The following CTNNA3 variants were observed in gnomAD, a reference collection of about 807,000 sequenced individuals.
The protein encoded by CTNNA3 is catenin alpha 3, also known as catenin alpha-3.
A neutral mutation model predicts 95.7 loss-of-function variants in CTNNA3; 76 were observed. That is an observed-to-expected ratio of 0.79 (90% confidence interval 0.66 to 0.96). The LOEUF is 0.96. CTNNA3 is among the 40% of genes least tolerant of loss of function. The probability of loss-of-function intolerance (pLI) is 0.00; values close to 1 mark genes in which losing one functional copy is unlikely to be tolerated. For synonymous variants in CTNNA3, 431 were observed against 374.4 expected, an observed-to-expected ratio of 1.15 and a Z score of -1.74; for missense variants, 1,191 against 1,089.8, an observed-to-expected ratio of 1.09 and a Z score of -1.31.
intron 12 of CTNNA3, among the ~76,000 whole-genome samples, chr10:66,362,577 G>A (rs1398323141): frequency 6.6e-6 from 1 of 151,940 alleles, no homozygotes; most frequent in Non-Finnish European, 1.5e-5. Flanking sequence ...GCCGGGTGTG[G>A]TGGTGTATGC....
At chr10:67,440,434 G>A (rs1165149385) in intron 5 of CTNNA3, among the ~76,000 whole-genome samples, 2 of 152,124 alleles carry the variant, frequency 1.3e-5, no homozygotes, top group African/African-American at 4.8e-5. Flanking sequence ...TGAAGGGAAG[G>A]ACATAAACCT....
At chr10:66,702,303 T>A (rs868472486) in intron 9 of CTNNA3, among the ~76,000 whole-genome samples, 4 of 151,930 alleles carry the variant, frequency 2.6e-5, no homozygotes, top group African/African-American at 7.3e-5. Context: ...GATTTTTTTT[T>A]AGGTGAGAGA....
chr10:66,198,775 CTT>C (rs1283150482), intron 13 of CTNNA3, among the ~76,000 whole-genome samples: 1 of 152,082 alleles, frequency 6.6e-6, no homozygotes, highest in African/African-American at 2.4e-5. Context: ...ATACAATGTA[CTT>C]TATGTAATAT....
chr10:66,265,711 C>T (rs1339233586), intron 13 of CTNNA3, among the ~76,000 whole-genome samples: 1 of 151,996 alleles, frequency 6.6e-6, no homozygotes, highest in East Asian at 1.9e-4. Flanking sequence ...TCCTTACTAA[C>T]TAACTAAAAT....
At chr10:66,662,036 G>A (rs76037834) in intron 9 of CTNNA3, among the ~76,000 whole-genome samples, 3,529 of 152,186 alleles carry the variant, frequency 0.023, 144 homozygotes, top group African/African-American at 0.081. Context: ...TCTGGATGCC[G>A]CAAGTGACCT....
intron 17 of CTNNA3, among the ~76,000 whole-genome samples, chr10:65,938,408 CA>C (rs200605657): frequency 5.3e-5 from 8 of 149,754 alleles, no homozygotes; most frequent in African/African-American, 9.8e-5. Context: ...AGAAAGATGA[CA>C]AAAAAAAATG....
chr10:66,761,571 A>G (rs1310410742), intron 9 of CTNNA3, among the ~76,000 whole-genome samples: 1 of 152,172 alleles, frequency 6.6e-6, no homozygotes, highest in African/African-American at 2.4e-5. Context: ...AAACAAATAT[A>G]ATTCAAAAAA....
chr10:67,753,968 A>G (rs1201401030), intron 1 of CTNNA3, among the ~76,000 whole-genome samples: 1 of 152,254 alleles, frequency 6.6e-6, no homozygotes, highest in Non-Finnish European at 1.5e-5. Flanking sequence ...TACTGGGTAT[A>G]TACCCAAAGG....
chr10:66,453,314 T>C (rs902814310), intron 11 of CTNNA3, among the ~76,000 whole-genome samples: 1 of 152,166 alleles, frequency 6.6e-6, no homozygotes, highest in Admixed American at 6.5e-5. Context: ...CTATGTTTAT[T>C]AAACTCTCTA....
At chr10:66,746,813 T>C (rs975803673) in intron 9 of CTNNA3, among the ~76,000 whole-genome samples, 4 of 152,164 alleles carry the variant, frequency 2.6e-5, no homozygotes, top group Non-Finnish European at 5.9e-5. Flanking sequence ...ATGTCTGCAC[T>C]CACAACTTTA....
At chr10:67,683,500 C>T (rs556040261) in intron 1 of CTNNA3, among the ~76,000 whole-genome samples, 1 of 152,344 alleles carries the variant, frequency 6.6e-6, no homozygotes, top group Admixed American at 6.5e-5. Context: ...CTGTGGGCTC[C>T]TCAATGAGCT....
At chr10:66,843,088 C>A (rs575677803) in intron 7 of CTNNA3, among the ~76,000 whole-genome samples, 1 of 152,152 alleles carries the variant, frequency 6.6e-6, no homozygotes, top group East Asian at 1.9e-4. Flanking sequence ...AAATCAATAC[C>A]CTGTGTAAGC....
intron 10 of CTNNA3, among the ~76,000 whole-genome samples, chr10:66,585,935 T>TA (rs1370689203): frequency 1.3e-5 from 2 of 152,178 alleles, no homozygotes; most frequent in African/African-American, 2.4e-5. Context: ...CAATTGGGTT[T>TA]AAAAAAATTT....
chr10:66,544,934 C>A (rs749657294), intron 10 of CTNNA3, among the ~76,000 whole-genome samples: 1 of 152,088 alleles, frequency 6.6e-6, no homozygotes, highest in East Asian at 1.9e-4. Context: ...ATTTATGTAA[C>A]AAACCATTAT....
At chr10:66,091,968 C>T (rs909790163) in intron 14 of CTNNA3, among the ~76,000 whole-genome samples, 1 of 151,746 alleles carries the variant, frequency 6.6e-6, no homozygotes, top group Non-Finnish European at 1.5e-5. Flanking sequence ...TTTCAACTGA[C>T]TTTTAGTCTA....
chr10:67,364,450 T>C (rs1465423590), intron 5 of CTNNA3, among the ~76,000 whole-genome samples: 7 of 152,264 alleles, frequency 4.6e-5, no homozygotes, highest in African/African-American at 9.6e-5. Context: ...CTATTCAATG[T>C]AGTGTTGGAA....
At chr10:66,393,420 T>C (rs76688274) in intron 11 of CTNNA3, among the ~76,000 whole-genome samples, 2,408 of 152,236 alleles carry the variant, frequency 0.016, 54 homozygotes, top group African/African-American at 0.055. Context: ...CAATAAAGGA[T>C]GTTCTTCAAA....
At chr10:66,223,398 A>G (rs1212271671) in intron 13 of CTNNA3, among the ~76,000 whole-genome samples, 4 of 152,172 alleles carry the variant, frequency 2.6e-5, no homozygotes, top group Non-Finnish European at 4.4e-5. Flanking sequence ...ATATTCCTTC[A>G]GATTTTAGAA....
At chr10:66,279,194 C>A (rs2091452290) in intron 13 of CTNNA3, among the ~76,000 whole-genome samples, 2 of 151,928 alleles carry the variant, frequency 1.3e-5, no homozygotes, top group Non-Finnish European at 2.9e-5. Flanking sequence ...ATTTATTGGC[C>A]CTTTTCTTTA....
Sources: allele counts gnomAD v4.1 joint callset (sites outside exome capture counted in the v4.1 genomes callset), GRCh38; gene constraint gnomAD v4.1.1; transcripts MANE v1.5; gene names NCBI Gene and HGNC (gene_info 2026-07-23, HGNC 2026-07-21).